The following KCNMA1 variants were observed in gnomAD, a reference collection of about 807,000 sequenced individuals.
KCNMA1 encodes the protein Calcium-activated potassium channel subunit alpha-1.
Under a neutral mutation model 140.0 loss-of-function variants are expected in KCNMA1, and 29 were observed. The ratio of observed to expected loss-of-function variants is 0.21; its 90% confidence interval spans 0.15 to 0.28. The LOEUF is 0.28. Ranked by LOEUF, KCNMA1 falls within the 10% of genes least tolerant of loss-of-function variation. The probability of loss-of-function intolerance (pLI) is 1.00; values close to 1 mark genes in which losing one functional copy is unlikely to be tolerated. For synonymous variants in KCNMA1, 612 were observed against 611.9 expected (o/e 1.00, Z 0.00); for missense variants, 880 against 1,602.2 (o/e 0.55, Z 7.70).
intron 2 of KCNMA1, among the ~76,000 whole-genome samples, chr10:77,358,158 C>T (rs1209757780): frequency 6.6e-6 from 1 of 152,140 alleles, no homozygotes; most frequent in Non-Finnish European, 1.5e-5. Flanking sequence ...TCCGTCCCAC[C>T]CCCAAGACTC....
chr10:76,876,285 T>G (rs2032363752), downstream of KCNMA1: 1 of 152,630 alleles, frequency 6.6e-6, no homozygotes. Context: ...ACAGTTTACA[T>G]TTTTTAAGAA....
At chr10:77,616,946 C>A (rs2089778326) in intron 1 of KCNMA1, among the ~76,000 whole-genome samples, 3 of 152,136 alleles carry the variant, frequency 2.0e-5, no homozygotes, top group African/African-American at 7.2e-5. Flanking sequence ...CAGCAAGCAA[C>A]ACAACTATGA....
In KCNMA1 at chr10:77,506,596, A is replaced by AGAGAGAGAGAGAGAGAGTGTGTGTGT; in HGVS notation, c.379-102574_379-102573insACACACACACTCTCTCTCTCTCTCTC. On this transcript the variant is annotated intron_variant, in intron 1 of 27. Transcript: ENST00000286628. Reference sequence around the variant, plus strand: ...TAGAGAGAGAGAGAGAGAGAGAGAGAGTGTGTGTGTGTGTGTGTGTGTGTT... The same window carrying AGAGAGAGAGAGAGAGAGTGTGTGTGT: ...TAGAGAGAGAGAGAGAGAGAGAGAGAGAGAGAGAGAGAGAGAGTGTGTGTGTGTGTGTGTGTGTGTGTGTGTGTGTT... Among the ~76,000 whole-genome samples the AGAGAGAGAGAGAGAGAGTGTGTGTGT allele has an allele frequency of 9.6e-5, 8 of 83,568 alleles. 1 individual carries two copies. Among genetic ancestry groups the AGAGAGAGAGAGAGAGAGTGTGTGTGT allele is most frequent in the African/African-American group, 6.0e-4 (8 of 13,410 alleles). 54.8% of individuals were successfully genotyped at this position (83,568 alleles called of 152,430 possible).
chr10:77,622,577 C>A (rs1170281229), intron 1 of KCNMA1, among the ~76,000 whole-genome samples: 1 of 152,154 alleles, frequency 6.6e-6, no homozygotes, highest in Non-Finnish European at 1.5e-5. Context: ...TAAAAACAAC[C>A]AGACACACAG....
intron 5 of KCNMA1, among the ~76,000 whole-genome samples, chr10:77,152,418 T>C (rs979699490): frequency 6.6e-6 from 1 of 151,978 alleles, no homozygotes; most frequent in Non-Finnish European, 1.5e-5. Context: ...GGAAGTGATC[T>C]CAGGAAACAC....
At chr10:77,636,305 ACAGAC>A in intron 1 of KCNMA1, 1 of 1,502,674 alleles carries the variant, frequency 6.7e-7, no homozygotes, top group Non-Finnish European at 8.9e-7. Flanking sequence ...GGACACGACT[ACAGAC>A]CAGGCAGTGA....
intron 1 of KCNMA1, among the ~76,000 whole-genome samples, chr10:77,449,305 G>A (rs1487087303): frequency 6.6e-6 from 1 of 152,158 alleles, no homozygotes; most frequent in Non-Finnish European, 1.5e-5. Flanking sequence ...ATATCCTCAT[G>A]ATAAACTAGG....
intron 16 of KCNMA1, among the ~76,000 whole-genome samples, chr10:77,027,349 G>A (rs938180092): frequency 1.3e-5 from 2 of 152,106 alleles, no homozygotes; most frequent in Non-Finnish European, 2.9e-5. Context: ...CTGGATTTTG[G>A]TTGCACCGGG....
chr10:77,132,347 G>C (rs1280419274), intron 5 of KCNMA1, among the ~76,000 whole-genome samples: 1 of 152,024 alleles, frequency 6.6e-6, no homozygotes. Context: ...GAAAAACTAA[G>C]AGACCCAGAA....
chr10:77,588,208 G>C (rs1415568338), intron 1 of KCNMA1, among the ~76,000 whole-genome samples: 1 of 152,192 alleles, frequency 6.6e-6, no homozygotes, highest in African/African-American at 2.4e-5. Context: ...AAGGACTCCA[G>C]CAAGGTCAGA....
chr10:77,445,177 G>T (rs1003293783), intron 1 of KCNMA1, among the ~76,000 whole-genome samples: 2 of 152,058 alleles, frequency 1.3e-5, no homozygotes, highest in Non-Finnish European at 2.9e-5. Flanking sequence ...GAAAAAAATG[G>T]GGCTAGGATC....
chr10:77,425,673 G>A (rs1329007145), intron 1 of KCNMA1, among the ~76,000 whole-genome samples: 1 of 152,164 alleles, frequency 6.6e-6, no homozygotes, highest in Non-Finnish European at 1.5e-5. Context: ...CTGACAACAG[G>A]GCTGTGATAC....
intron 16 of KCNMA1, among the ~76,000 whole-genome samples, chr10:77,021,791 C>T (rs911375081): frequency 6.6e-6 from 1 of 152,106 alleles, no homozygotes; most frequent in Non-Finnish European, 1.5e-5. Context: ...TTTGCAGATA[C>T]TAAGCTAAGG....
chr10:77,520,270 TGG>T (rs2052832421), intron 1 of KCNMA1, among the ~76,000 whole-genome samples: 2 of 20,856 alleles, frequency 9.6e-5, no homozygotes, highest in Non-Finnish European at 2.0e-4. Flanking sequence ...GTGTGAGGTC[TGG>T]GATATGTGGT....
chr10:77,564,390 T>C (rs1424999540), intron 1 of KCNMA1, among the ~76,000 whole-genome samples: 2 of 152,034 alleles, frequency 1.3e-5, no homozygotes, highest in Non-Finnish European at 2.9e-5. Context: ...CTGGGCAATA[T>C]GGTGAAACCC....
Position 77,081,320 on chromosome 10 carries a change from A to G in KCNMA1, c.1524-1770T>C, listed in dbSNP as rs115608557. On this transcript the variant is annotated intron_variant, in intron 12 of 27. Transcript: ENST00000286628. ...AGCAAATGGGAGACCAGATGTGAAA[A>G]TGCTTTGAAATCATTAAAAGTTCTC... Among the ~76,000 whole-genome samples, 557 of 152,258 alleles carry G rather than the reference A, an allele frequency of 3.7e-3. 5 individuals are homozygous for G. The highest frequency in any genetic ancestry group is 0.013 in the African/African-American group (533 of 41,544).
chr10:77,538,507 C>G (rs1220169362), intron 1 of KCNMA1, among the ~76,000 whole-genome samples: 1 of 152,204 alleles, frequency 6.6e-6, no homozygotes, highest in East Asian at 1.9e-4. Context: ...TCAACCAGAT[C>G]TGAGTTAGAA....
At chr10:76,942,941 C>T (rs868177286) in intron 23 of KCNMA1, among the ~76,000 whole-genome samples, 1 of 152,170 alleles carries the variant, frequency 6.6e-6, no homozygotes. Flanking sequence ...TAAAAGGGCA[C>T]ATTTGAGTTG....
At chr10:77,296,241 A>C (rs1454376290) in intron 2 of KCNMA1, among the ~76,000 whole-genome samples, 1 of 152,158 alleles carries the variant, frequency 6.6e-6, no homozygotes, top group Non-Finnish European at 1.5e-5. Flanking sequence ...AAGATGTGCC[A>C]ACAGAAGCAA....
Sources: gnomAD v4.1 joint callset for allele counts (sites outside exome capture counted in the v4.1 genomes callset) on GRCh38, gnomAD v4.1.1 for gene constraint, MANE v1.5 for transcripts, NCBI Gene and HGNC (gene_info 2026-07-23, HGNC 2026-07-21) for gene names.